TNS3: variants seen among roughly 807,000 people sequenced by gnomAD.
TNS3 encodes tensin 3.
A neutral mutation model predicts 140.9 loss-of-function variants in TNS3; 45 were observed. That is an observed-to-expected ratio of 0.32 (90% CI 0.25 to 0.41). The LOEUF is 0.41. TNS3 is among the 10% of genes least tolerant of loss of function. The pLI is 1.00. For missense variants in TNS3, 1,716 were observed against 1,906.7 expected (o/e 0.90, Z 1.86); for synonymous variants, 815 against 788.4 (o/e 1.03, Z -0.56).
At chr7:47,308,760 T>C (rs1786904326) in intron 20 of TNS3, among the ~76,000 whole-genome samples, 1 of 152,192 alleles carries the variant, frequency 6.6e-6, no homozygotes, top group African/African-American at 2.4e-5. Context: ...ATCTTGATAC[T>C]TTCCTCTCTT....
At chr7:47,400,680 T>C (rs962958170) in intron 14 of TNS3, 105 bp downstream of exon 14, 15 of 1,525,902 alleles carry the variant, frequency 9.8e-6, no homozygotes, top group African/African-American at 1.4e-5. Flanking sequence ...ATTTTGTCAG[T>C]AGGCTGAATT....
chr7:47,323,877 TA>T (rs1787885734), intron 20 of TNS3, among the ~76,000 whole-genome samples: 1 of 151,866 alleles, frequency 6.6e-6, no homozygotes, highest in Non-Finnish European at 1.5e-5. Flanking sequence ...AAATGATAAA[TA>T]AATCCACAGT....
intron 20 of TNS3, among the ~76,000 whole-genome samples, chr7:47,326,450 C>A (rs988316812): frequency 4.6e-5 from 7 of 152,100 alleles, no homozygotes; most frequent in Non-Finnish European, 1.0e-4. Context: ...TACAGGAGGA[C>A]AAGGAACCTT....
In TNS3 at chr7:47,432,161, T is replaced by G. The variant is rs560698446; in HGVS notation, c.324+3121A>C. Among the ~76,000 whole-genome samples the G allele has an allele frequency of 3.3e-5, 5 of 152,330 alleles. No homozygotes were observed. In the South Asian group the frequency reaches 1.0e-3, roughly 32 times the overall value. On this transcript the variant is annotated intron_variant, in intron 8 of 30. Transcript: ENST00000311160. ...ACTCATGTTGAAATTTAATCTCCAA[T>G]GTGGCAGTATTGAGTGGTGAGGCCT...
At chr7:47,305,218 G>C (rs1786677033) in intron 20 of TNS3, among the ~76,000 whole-genome samples, 1 of 152,196 alleles carries the variant, frequency 6.6e-6, no homozygotes, top group African/African-American at 2.4e-5. Flanking sequence ...ACCCATCACT[G>C]TTTCCAAAAA....
In TNS3 at chr7:47,451,647, C is replaced by T. The variant is rs141138354; in HGVS notation, c.-75-9592G>A. ...ATCCACAAGGAAGCAGGACTATGAA[C>T]AGCCCGGTGACGAGAGACACAGATC... On this transcript the variant is annotated intron_variant, in intron 4 of 30. Transcript: ENST00000311160. Among the ~76,000 whole-genome samples, 53 of 152,330 alleles carry T rather than the reference C, an allele frequency of 3.5e-4. No homozygotes were observed. In the East Asian group the frequency reaches 0.01, roughly 29 times the overall value.
chr7:47,326,845 C>T (rs1788050310), intron 20 of TNS3, among the ~76,000 whole-genome samples: 1 of 152,182 alleles, frequency 6.6e-6, no homozygotes, highest in African/African-American at 2.4e-5. Context: ...GGAAGGGATA[C>T]TGGGCAAGAT....
chr7:47,320,741 G>A (rs552613522), intron 20 of TNS3, among the ~76,000 whole-genome samples: 5 of 152,194 alleles, frequency 3.3e-5, no homozygotes, highest in Admixed American at 6.5e-5. Context: ...CCTGGGGTTC[G>A]GGTTAAGGCA....
chr7:47,432,674 C>T (rs1794980787), intron 8 of TNS3, among the ~76,000 whole-genome samples: 1 of 152,164 alleles, frequency 6.6e-6, no homozygotes, highest in Non-Finnish European at 1.5e-5. Flanking sequence ...CTTGTTTCAA[C>T]CATCCAAACC....
intron 15 of TNS3, among the ~76,000 whole-genome samples, chr7:47,398,551 A>C (rs528648644): frequency 7.2e-5 from 11 of 152,330 alleles, no homozygotes; most frequent in Non-Finnish European, 1.5e-4. Context: ...TACACCATAC[A>C]AACAGAATTA....
intron 13 of TNS3, chr7:47,405,652 C>A: frequency 1.4e-6 from 1 of 697,348 alleles, no homozygotes; most frequent in Non-Finnish European, 2.6e-6. Context: ...TAAGACCCAG[C>A]CCAGTCTAAA....
At position 47,283,726 on chromosome 7, in the gene TNS3, C is replaced by T. The variant is rs749432755; in HGVS notation, c.4068G>A (p.Gln1356=). ...STVVHFKVSA[Q]GITLTDNQRK... is the part of the protein sequence containing the mutation. ...TCTGATTGTCTGTCAGGGTGATGCC[C>T]TGGGCTGACACCTTGAAGTGCACAA... is the stretch of plus-strand genomic sequence containing the variant. Residue 1356 remains glutamine (Q), a synonymous_variant, in exon 28 of 31, where the codon CAG becomes CAA. Coordinates refer to ENST00000311160, the MANE Select transcript of TNS3 (RefSeq NM_022748.12). 1.3e-6 allele frequency: 2 copies of T among 1,597,962 alleles called. No homozygotes were observed. The highest frequency in any genetic ancestry group is 2.3e-5 in the South Asian group (2 of 88,402).
chr7:47,363,024 T>TCAC (rs1293942411), intron 17 of TNS3, among the ~76,000 whole-genome samples: 8 of 94 alleles, frequency 0.085, no homozygotes, highest in South Asian at 0.5. Flanking sequence ...ATCAGGGTCA[T>TCAC]CACCATCACC....
intron 4 of TNS3, among the ~76,000 whole-genome samples, chr7:47,447,128 C>G (rs1374091290): frequency 7.1e-6 from 1 of 141,626 alleles, no homozygotes; most frequent in East Asian, 2.1e-4. Context: ...AGCTGTGGAT[C>G]AAACACTTGG....
intron 1 of TNS3, among the ~76,000 whole-genome samples, chr7:47,576,243 G>A (rs1375850891): frequency 4.6e-5 from 7 of 152,186 alleles, no homozygotes; most frequent in Admixed American, 4.6e-4. Context: ...TGGGGCCATG[G>A]AAATTCAGCA....
chr7:47,505,717 T>TTGTGTG lies in TNS3; in HGVS notation c.-115+1184_-115+1189dup, dbSNP rs58992722. ...CTATACTAGTCTAGTTCTTCCAACT[T>TTGTGTG]TGTGTGTGTGTGTGTGTGTGTGTAT... On this transcript the variant is annotated intron_variant, in intron 3 of 30. Coordinates refer to ENST00000311160, the MANE Select transcript of TNS3 (RefSeq NM_022748.12). Among the ~76,000 whole-genome samples the TTGTGTG allele has an allele frequency of 6.5e-3, 979 of 150,124 alleles. 9 individuals carry two copies. Among genetic ancestry groups the TTGTGTG allele is most frequent in the African/African-American group, 0.022 (921 of 41,058 alleles).
Position 47,276,036 on chromosome 7 carries a change from C to T in TNS3, c.*2040G>A, listed in dbSNP as rs1023932792. 1.4e-5 allele frequency: 5 copies of T among 354,412 alleles called. 1 individual carries two copies. The highest frequency in any genetic ancestry group is 2.8e-5 in the Non-Finnish European group (5 of 178,766). The allele number at this position is 354,412 out of a possible 1,614,324, so 22.0% of individuals were successfully genotyped here. A position where few individuals can be genotyped will look rare whatever the true frequency, so the allele number is the denominator to read the frequency against. On this transcript the variant is annotated 3_prime_UTR_variant, in exon 31 of 31. Transcript: ENST00000311160. ...GGTAGAGACCGTCTCAGGATGAGGA[C>T]CTCTTGGGGAAAGTACAAACCTCTG...
At chr7:47,310,159 A>C (rs375445978) in intron 20 of TNS3, among the ~76,000 whole-genome samples, 4 of 152,216 alleles carry the variant, frequency 2.6e-5, no homozygotes, top group African/African-American at 4.8e-5. Context: ...GACTGCAGAG[A>C]CAGAGTCAAC....
intron 1 of TNS3, among the ~76,000 whole-genome samples, chr7:47,537,563 CG>C (rs1313043944): frequency 6.6e-6 from 1 of 152,076 alleles, no homozygotes; most frequent in Non-Finnish European, 1.5e-5. Context: ...CCGCGCTTGG[CG>C]CAGGGTTCAG....
Sources: allele counts gnomAD v4.1 joint callset (sites outside exome capture counted in the v4.1 genomes callset), GRCh38; gene constraint gnomAD v4.1.1; transcripts MANE v1.5; gene names NCBI Gene and HGNC (gene_info 2026-07-23, HGNC 2026-07-21).